The following ZNF487 variants were observed in gnomAD, a reference collection of about 807,000 sequenced individuals.
The protein encoded by ZNF487 is zinc finger protein 487.
A neutral mutation model predicts 3.0 loss-of-function variants in ZNF487; 4 were observed. That is an observed-to-expected ratio of 1.35 (90% confidence interval 0.66 to 3.08). The LOEUF (loss-of-function observed/expected upper bound fraction) is 3.08, where lower values mean the gene tolerates loss of function less well. Ranked by LOEUF, ZNF487 falls within the 30% of genes most tolerant of loss-of-function variation. The probability of loss-of-function intolerance (pLI) is 0.01; values close to 1 mark genes in which losing one functional copy is unlikely to be tolerated. For synonymous variants in ZNF487, 55 were observed against 34.6 expected, an observed-to-expected ratio of 1.59 and a Z score of -2.06; for missense variants, 146 against 98.7, an observed-to-expected ratio of 1.48 and a Z score of -2.03.
chr10:43,488,151 A>T (rs74548094), downstream of ZNF487, among the ~76,000 whole-genome samples: 930 of 152,042 alleles, frequency 6.1e-3, 9 homozygotes, highest in African/African-American at 0.018. Flanking sequence ...TGAGCTTTAA[A>T]ACTAAATAGA....
intron 1 of ZNF487, among the ~76,000 whole-genome samples, chr10:43,463,552 AT>A (rs34591446): frequency 5.2e-4 from 76 of 145,228 alleles, no homozygotes; most frequent in Admixed American, 4.8e-4. Context: ...AAAAAAAAAA[AT>A]TTTTTTTTTT....
At chr10:43,513,488 A>G in the ZNF487 span, among the ~76,000 whole-genome samples, 1 of 152,238 alleles carries the variant, frequency 6.6e-6, no homozygotes, top group African/African-American at 2.4e-5. Context: ...GGGAGAGCTG[A>G]ATGGGGATGT....
At chr10:43,489,660 C>T in the ZNF487 span, among the ~76,000 whole-genome samples, 1 of 152,036 alleles carries the variant, frequency 6.6e-6, no homozygotes, top group Non-Finnish European at 1.5e-5. Context: ...GGCCTAGATA[C>T]AAATGTTAAA....
At chr10:43,496,420 A>T in the ZNF487 span, among the ~76,000 whole-genome samples, 177 of 152,146 alleles carry the variant, frequency 1.2e-3, no homozygotes, top group African/African-American at 3.4e-3. Context: ...GTCCTAAGTC[A>T]TTTCTCATTC....
At chr10:43,468,295 C>T (rs1156745993) in intron 1 of ZNF487, among the ~76,000 whole-genome samples, 1 of 152,094 alleles carries the variant, frequency 6.6e-6, no homozygotes, top group Admixed American at 6.6e-5. Flanking sequence ...AAGGCAGCAG[C>T]AGGGTTTTAG....
At chr10:43,509,174 A>ACTC in the ZNF487 span, among the ~76,000 whole-genome samples, 3 of 144,270 alleles carry the variant, frequency 2.1e-5, no homozygotes, top group Non-Finnish European at 3.0e-5. Flanking sequence ...AGCGTGGGTG[A>ACTC]CAGAGCAAGA....
the ZNF487 span, among the ~76,000 whole-genome samples, chr10:43,493,709 A>ATATATATAT: frequency 2.3e-5 from 1 of 43,694 alleles, no homozygotes; most frequent in Non-Finnish European, 4.0e-5. Flanking sequence ...AAAAAAAAAA[A>ATATATATAT]ATATATATAT....
rs1436953616 is a variant in ZNF487, at chr10:43,476,171, AG to A, written c.100del (p.Glu34ArgfsTer10). ...LEHGQVLWIL[E>X]EESPSQSHLD... Reference sequence around the variant, plus strand: ...AGCATGGACAGGTGCTGTGGATATTAGAGGAAGAGTCCCCAAGTCAGAGCCA... The same window carrying A: ...AGCATGGACAGGTGCTGTGGATATTAAGGAAGAGTCCCCAAGTCAGAGCCA... On this transcript the variant is annotated frameshift_variant, in exon 3 of 4. Transcript: ENST00000437590. LOFTEE classifies it low-confidence loss of function (END_TRUNC). 7.0e-6 allele frequency: 5 copies of A among 717,364 alleles called. No homozygotes were observed. The highest frequency in any genetic ancestry group is 5.9e-5 in the South Asian group (4 of 67,594). 44.4% of individuals were successfully genotyped at this position (717,364 alleles called of 1,614,324 possible). A position where few individuals can be genotyped will look rare whatever the true frequency, so the allele number is the denominator to read the frequency against.
rs181685809 is a variant in ZNF487 at position 43,451,723 on chromosome 10, G to A, written c.-94+14461G>A. ...TGGGATTACAGGCATGGGCCACCAC[G>A]CCTGGCTAATTTTGTATTTTTAGTA... On this transcript the variant is annotated intron_variant, in intron 1 of 3. Transcript: ENST00000437590. 9.1e-3 allele frequency among the ~76,000 whole-genome samples: 1,386 copies of A among 151,670 alleles called. 9 individuals carry two copies. Among genetic ancestry groups the A allele is most frequent in the Non-Finnish European group, 0.015 (985 of 67,914 alleles).
intron 1 of ZNF487, among the ~76,000 whole-genome samples, chr10:43,444,129 A>G (rs1839719457): frequency 6.6e-6 from 1 of 152,142 alleles, no homozygotes; most frequent in South Asian, 2.1e-4. Context: ...CTGAGATTAC[A>G]GGCGTGAGCC....
intron 1 of ZNF487, among the ~76,000 whole-genome samples, chr10:43,447,294 G>C (rs1325921581): frequency 1.3e-5 from 2 of 151,652 alleles, no homozygotes; most frequent in Non-Finnish European, 2.9e-5. Flanking sequence ...CCAGGCTGGA[G>C]TGCAGTGGCA....
rs916024161 is a variant in ZNF487 at position 43,476,114 on chromosome 10, C to T, written c.42C>T (p.Cys14=). 5.6e-6 allele frequency: 4 copies of T among 717,296 alleles called. No homozygotes were observed. The highest frequency in any genetic ancestry group is 1.0e-5 in the Non-Finnish European group (4 of 385,098). 44.4% of individuals were successfully genotyped at this position (717,296 alleles called of 1,614,324 possible). A position where few individuals can be genotyped will look rare whatever the true frequency, so the allele number is the denominator to read the frequency against. ...TGTCATTTTCATTCACAGGATATTG[C>T]ATTACCAAACCAGAGGTGGTTTGCA... The part of the protein sequence containing the change: ...NYSLLLSVGY[C]ITKPEVVCKL... Residue 14 remains cysteine (C), a synonymous_variant, in exon 3 of 4, where the codon TGC becomes TGT. Transcript: ENST00000437590.
At chr10:43,477,441 C>A (rs1428624342) in intron 3 of ZNF487, among the ~76,000 whole-genome samples, 1 of 151,970 alleles carries the variant, frequency 6.6e-6, no homozygotes, top group East Asian at 1.9e-4. Flanking sequence ...GTGATCTGCC[C>A]CCCTTGGCCT....
chr10:43,497,360 T>G, the ZNF487 span, among the ~76,000 whole-genome samples: 1 of 152,156 alleles, frequency 6.6e-6, no homozygotes, highest in Non-Finnish European at 1.5e-5. Context: ...TTTAATGATG[T>G]GAGGGAGAAT....
chr10:43,475,526 A>G (rs564608789), intron 1 of ZNF487, among the ~76,000 whole-genome samples, 195 bp from the exon 2 acceptor site: 2 of 152,242 alleles, frequency 1.3e-5, no homozygotes, highest in African/African-American at 4.8e-5. Flanking sequence ...AAAAAAAAAA[A>G]AATTAATATA....
intron 1 of ZNF487, among the ~76,000 whole-genome samples, chr10:43,463,183 G>A (rs1476695941): frequency 6.6e-6 from 1 of 151,260 alleles, no homozygotes; most frequent in East Asian, 1.9e-4. Flanking sequence ...GCGGTGAGCC[G>A]AGTTCACGCC....
chr10:43,453,907 GCT>G (rs1840087868), intron 1 of ZNF487: 1 of 151,992 alleles, frequency 6.6e-6, no homozygotes, highest in South Asian at 2.1e-4. Context: ...TGAGTATAAT[GCT>G]CTCATGTTTT....
chr10:43,517,409 CA>C, the ZNF487 span, among the ~76,000 whole-genome samples: 1 of 152,218 alleles, frequency 6.6e-6, no homozygotes, highest in East Asian at 1.9e-4. Context: ...TTCCCTTCAA[CA>C]AAAGGCTTTA....
the ZNF487 span, among the ~76,000 whole-genome samples, chr10:43,506,413 G>T: frequency 1.3e-5 from 2 of 152,062 alleles, no homozygotes; most frequent in African/African-American, 2.4e-5. Context: ...CTGAGGCAGG[G>T]TGATCACTTG....
Sources: gnomAD v4.1 joint callset for allele counts (sites outside exome capture counted in the v4.1 genomes callset) on GRCh38, gnomAD v4.1.1 for gene constraint, MANE v1.5 for transcripts, NCBI Gene and HGNC (gene_info 2026-07-23, HGNC 2026-07-21) for gene names.